AFF3: variants seen among roughly 807,000 people sequenced by gnomAD.
AFF3 encodes the protein AF4/FMR2 family member 3.
AFF3 carries 32 observed loss-of-function variants against 129.7 expected under a neutral mutation model. The ratio of observed to expected loss-of-function variants is 0.25; its 90% CI spans 0.19 to 0.33. The LOEUF (loss-of-function observed/expected upper bound fraction) is 0.33. AFF3 is among the 10% of genes least tolerant of loss of function. The pLI, the probability that AFF3 is intolerant of heterozygous loss-of-function variation, is 1.00. For synonymous variants in AFF3, 644 were observed against 635.4 expected (o/e 1.01, Z -0.20); for missense variants, 1,373 against 1,592.0 (o/e 0.86, Z 2.34).
At chr2:99,623,988 C>T (rs1008102136) in intron 13 of AFF3, among the ~76,000 whole-genome samples, 3 of 152,216 alleles carry the variant, frequency 2.0e-5, no homozygotes, top group Admixed American at 6.5e-5. Context: ...TTTCAATATG[C>T]CAACCACAGA....
At chr2:99,811,296 T>C (rs1220208128) in intron 8 of AFF3, among the ~76,000 whole-genome samples, 1 of 152,232 alleles carries the variant, frequency 6.6e-6, no homozygotes, top group African/African-American at 2.4e-5. Flanking sequence ...AACCCTGTAG[T>C]TTGCAAAGCA....
intron 7 of AFF3, among the ~76,000 whole-genome samples, chr2:100,001,430 T>C (rs1681396595): frequency 6.6e-6 from 1 of 152,224 alleles, no homozygotes; most frequent in Non-Finnish European, 1.5e-5. Flanking sequence ...TTTTGTTTTT[T>C]GGTTTTTGGT....
chr2:99,963,422 T>C (rs751717177), intron 7 of AFF3, among the ~76,000 whole-genome samples: 15 of 152,028 alleles, frequency 9.9e-5, no homozygotes, highest in Non-Finnish European at 1.9e-4. Flanking sequence ...ACAATGTATA[T>C]ACAGGGAATA....
At position 99,593,911 on chromosome 2, in the gene AFF3, C is replaced by T. The variant is rs1679013457; in HGVS notation, c.1750G>A (p.Gly584Ser). 2 of 1,431,474 alleles carry T rather than the reference C, an allele frequency of 1.4e-6. No individual in the cohort carries two copies. Among genetic ancestry groups the T allele is most frequent in the Admixed American group, 3.0e-5 (1 of 33,228 alleles). The allele number at this position is 1,431,474 out of a possible 1,614,324, so 88.7% of individuals were successfully genotyped here. ...NAPAPARRSA[G>S]KKPTRRTERT... ...TCGGTGCGCCTGGTGGGCTTCTTGCCCGCGGACCTCCGGGCAGGCGCGGGC... is the reference window on the plus strand; with the variant it reads ...TCGGTGCGCCTGGTGGGCTTCTTGCTCGCGGACCTCCGGGCAGGCGCGGGC... Residue 584 changes from glycine (G) to serine (S), a missense_variant, in exon 15 of 25, where the codon GGC (glycine) becomes AGC (serine). Physicochemically the swap from Gly to Ser is moderately conservative, Grantham distance 56. Around this residue, in one of 9 missense-constraint regions of AFF3, gnomAD observed 466 missense variants for 505.0 expected, o/e 0.92. Transcript: ENST00000672756.
At chr2:99,935,981 T>G (rs1674487969) in intron 7 of AFF3, among the ~76,000 whole-genome samples, 1 of 152,188 alleles carries the variant, frequency 6.6e-6, no homozygotes, top group Non-Finnish European at 1.5e-5. Context: ...TAAGGGAGTT[T>G]CATGATGAAT....
intron 7 of AFF3, among the ~76,000 whole-genome samples, chr2:99,904,764 C>T (rs999471740): frequency 3.9e-5 from 6 of 152,118 alleles, no homozygotes; most frequent in Admixed American, 6.5e-5. Flanking sequence ...AAGATAATCC[C>T]GAATGAGAAT....
intron 2 of AFF3, among the ~76,000 whole-genome samples, chr2:100,121,805 G>A (rs1174999967): frequency 1.3e-5 from 2 of 152,192 alleles, no homozygotes; most frequent in African/African-American, 4.8e-5. Context: ...GCTCACGCCT[G>A]TAATCCCAGC....
intron 16 of AFF3, 128 bp from the exon 17 acceptor site, chr2:99,583,127 C>G: frequency 1.3e-6 from 1 of 743,158 alleles, no homozygotes; most frequent in South Asian, 1.8e-5. Context: ...ATTATTATAC[C>G]AGGAAACAAG....
chr2:99,935,924 C>T (rs543990139), intron 7 of AFF3, among the ~76,000 whole-genome samples: 9 of 152,114 alleles, frequency 5.9e-5, no homozygotes, highest in Non-Finnish European at 1.2e-4. Flanking sequence ...AATACAACTT[C>T]AAATAAAAGG....
rs766482207 is a variant in AFF3 at position 99,593,264 on chromosome 2, G to A, written c.2397C>T (p.Ser799=). ...LSAPATKDSE[S]APPSHTSDTP... is the part of the protein sequence containing the mutation. ...TGTCCGAGGTGTGGCTGGGCGGTGC[G>A]CTCTCAGAGTCCTTGGTGGCAGGGG... The change falls in exon 15 of 25, where the codon AGC becomes AGT. Residue 799 remains serine (S), a synonymous_variant. Coordinates refer to ENST00000672756, the MANE Select transcript of AFF3 (RefSeq NM_001386135.1). 2.0e-5 allele frequency: 32 copies of A among 1,612,724 alleles called. No individual in the cohort carries two copies. Among genetic ancestry groups the A allele is most frequent in the Non-Finnish European group, 2.5e-5 (30 of 1,179,098 alleles).
chr2:99,606,721 T>C lies in AFF3; in HGVS notation c.1185-5100A>G, dbSNP rs1409177176. 4.0e-5 allele frequency among the ~76,000 whole-genome samples: 6 copies of C among 151,870 alleles called. No homozygotes were observed. In the East Asian group the frequency reaches 9.7e-4, roughly 25 times the overall value. On this transcript the variant is annotated intron_variant, in intron 13 of 24. Coordinates refer to ENST00000672756, the MANE Select transcript of AFF3 (RefSeq NM_001386135.1). ...TCACGAAGTCAGATCAAGACCATCCTGGCTAACATGGTGAAACCCCGTCTC... is the reference window on the plus strand; with the variant it reads ...TCACGAAGTCAGATCAAGACCATCCCGGCTAACATGGTGAAACCCCGTCTC...
rs1558618600 is a variant in AFF3 at position 99,593,873 on chromosome 2, G to T, written c.1788C>A (p.Ala596=). The change falls in exon 15 of 25, where the codon GCC becomes GCA. Residue 596 remains alanine, a synonymous_variant. Coordinates refer to ENST00000672756, the MANE Select transcript of AFF3 (RefSeq NM_001386135.1). The part of the protein sequence containing the change: ...KPTRRTERTS[A]GDGANCHRPE... ...GCCGGTGGCAGTTGGCGCCGTCCCC[G>T]GCTGAGGTCCTCTCGGTGCGCCTGG... is the stretch of plus-strand genomic sequence containing the variant. The T allele has an allele frequency of 5.7e-6, 8 of 1,394,512 alleles. No individual in the cohort carries two copies. The highest frequency in any genetic ancestry group is 3.4e-5 in the East Asian group (1 of 29,110). The allele number at this position is 1,394,512 out of a possible 1,614,324, so 86.4% of individuals were successfully genotyped here.
chr2:99,925,328 T>C (rs1264514403), intron 7 of AFF3, among the ~76,000 whole-genome samples: 2 of 152,212 alleles, frequency 1.3e-5, no homozygotes, highest in Non-Finnish European at 2.9e-5. Context: ...CCTTATTTTT[T>C]CAAGCTTACT....
At chr2:99,677,240 A>C (rs1026604152) in intron 11 of AFF3, among the ~76,000 whole-genome samples, 3 of 140,552 alleles carry the variant, frequency 2.1e-5, no homozygotes, top group Admixed American at 1.5e-4. Context: ...ACTGCACTCC[A>C]GCCTGGGCAT....
At chr2:99,941,960 CA>C (rs1553485074) in intron 7 of AFF3, among the ~76,000 whole-genome samples, 1 of 152,210 alleles carries the variant, frequency 6.6e-6, no homozygotes, top group Non-Finnish European at 1.5e-5. Flanking sequence ...AGGTCATTCA[CA>C]GACAACTGCA....
At chr2:99,970,038 T>C (rs1255698823) in intron 7 of AFF3, among the ~76,000 whole-genome samples, 1 of 152,202 alleles carries the variant, frequency 6.6e-6, no homozygotes, top group Non-Finnish European at 1.5e-5. Flanking sequence ...AGAAACAACA[T>C]ATCGCATAAT....
intron 1 of AFF3, among the ~76,000 whole-genome samples, chr2:100,141,900 T>C (rs1692899353): frequency 6.6e-6 from 1 of 151,812 alleles, no homozygotes; most frequent in Non-Finnish European, 1.5e-5. Context: ...ATATACAATG[T>C]TCCATCCAAG....
In AFF3 at chr2:100,007,207, C is replaced by T; in HGVS notation, c.428G>A (p.Arg143Lys). The change falls in exon 6 of 25, where the codon AGA (arginine) becomes AAA (lysine). Residue 143 changes from arginine to lysine, a missense_variant. Physicochemically the swap from Arg to Lys is conservative, Grantham distance 26. Around this residue, in one of 9 missense-constraint regions of AFF3, gnomAD observed 255 missense variants for 256.0 expected, o/e 1.00. Transcript: ENST00000672756. ...PAAVPVQQSK[R>K]GTMGWQKAGH... ...AGCCTTCTGCCAGCCCATAGTGCCT[C>T]TCTTACTCTGCTGCACGGGGACAGC... The T allele has an allele frequency of 6.2e-7, 1 of 1,614,162 alleles. No individual in the cohort carries two copies. The highest frequency in any genetic ancestry group is 1.1e-5 in the South Asian group (1 of 91,074).
intron 7 of AFF3, among the ~76,000 whole-genome samples, chr2:99,910,057 C>T (rs978053932): frequency 1.3e-5 from 2 of 151,938 alleles, no homozygotes; most frequent in East Asian, 1.9e-4. Context: ...TATGTATAGC[C>T]GCAGTATGTT....
Sources: gnomAD v4.1 joint callset for allele counts (sites outside exome capture counted in the v4.1 genomes callset) on GRCh38, gnomAD v4.1.1 for gene constraint, gnomAD v4.1.1 regional missense constraint, MANE v1.5 for transcripts, NCBI Gene and HGNC (gene_info 2026-07-23, HGNC 2026-07-21) for gene names.